The following GUCY2F variants were observed in gnomAD, a reference collection of about 807,000 sequenced individuals.
The protein encoded by GUCY2F is retinal guanylyl cyclase 2.
Under a neutral mutation model 73.1 loss-of-function variants are expected in GUCY2F, and 61 were observed. That is an observed-to-expected ratio of 0.83 (90% confidence interval 0.68 to 1.03). The LOEUF (loss-of-function observed/expected upper bound fraction) is 1.03, where lower values mean the gene tolerates loss of function less well. GUCY2F is among the 50% of genes least tolerant of loss of function. The probability of loss-of-function intolerance (pLI) is 0.00; values close to 1 mark genes in which losing one functional copy is unlikely to be tolerated. For missense variants in GUCY2F, 912 were observed against 854.3 expected, an observed-to-expected ratio of 1.07 and a Z score of -0.84; for synonymous variants, 331 against 307.8, an observed-to-expected ratio of 1.08 and a Z score of -0.79.
intron 8 of GUCY2F, among the ~76,000 whole-genome samples, chrX:109,410,035 C>T (rs1401406956): frequency 9.0e-6 from 1 of 111,435 alleles, no homozygotes; most frequent in African/African-American, 3.3e-5. Flanking sequence ...CACAGGTCTC[C>T]AGATAAGAGC....
At chrX:109,432,314 T>G (rs1931635169) in intron 7 of GUCY2F, among the ~76,000 whole-genome samples, 1 of 112,057 alleles carries the variant, frequency 8.9e-6, no homozygotes. Context: ...CTGCTCTCAG[T>G]CAGGGATCGA....
At chrX:109,456,457 C>G (rs12010600) in intron 3 of GUCY2F, among the ~76,000 whole-genome samples, 32,146 of 110,636 alleles carry the variant, frequency 0.29, 3,931 homozygotes, top group Non-Finnish European at 0.38. Context: ...CATCTACCTA[C>G]AGCCAAAAGT....
At chrX:109,389,069 C>A (rs1316193027) in intron 14 of GUCY2F, among the ~76,000 whole-genome samples, 3 of 111,924 alleles carry the variant, frequency 2.7e-5, no homozygotes, top group African/African-American at 6.5e-5. Context: ...GGTAAATAAG[C>A]TAGGGTAGCC....
At chrX:109,431,311 C>A (rs1429187667) in intron 7 of GUCY2F, among the ~76,000 whole-genome samples, 4 of 112,049 alleles carry the variant, frequency 3.6e-5, no homozygotes, top group African/African-American at 1.3e-4. Context: ...CATCCATTAC[C>A]TACAGCCTGG....
chrX:109,441,898 A>G (rs1317509999), intron 6 of GUCY2F, among the ~76,000 whole-genome samples: 1 of 111,940 alleles, frequency 8.9e-6, no homozygotes, highest in Non-Finnish European at 1.9e-5. Context: ...ACATTTAAAA[A>G]AAATCTATAG....
Position 109,375,976 on chromosome X carries a change from G to T in GUCY2F, c.3250C>A (p.His1084Asn). ...PPVDKDGQVG[H>N]GLQPVEIAAF... ...GCAATCTCCACTGGTTGCAGGCCAT[G>T]GCCCACTTGCCTGCAGGGCAGGGGA... The change falls in exon 19 of 20, where the codon CAT (histidine) becomes AAT (asparagine). Residue 1084 changes from histidine (H) to asparagine (N), a missense_variant. By Grantham distance (68) the His-to-Asn change is moderately conservative. Transcript: ENST00000218006. The T allele has an allele frequency of 8.3e-7, 1 of 1,204,522 alleles. No homozygotes were observed. Among genetic ancestry groups the T allele is most frequent in the South Asian group, 1.8e-5 (1 of 56,839 alleles).
chrX:109,479,998 C>T (rs57075639), intron 1 of GUCY2F, among the ~76,000 whole-genome samples: 1,240 of 111,833 alleles, frequency 0.011, 25 homozygotes, highest in African/African-American at 0.037. Context: ...TTTTGCTTAA[C>T]ATTAAATCTC....
intron 17 of GUCY2F, 124 bp downstream of exon 17, chrX:109,381,994 A>G: frequency 2.4e-6 from 1 of 418,606 alleles, no homozygotes; most frequent in South Asian, 5.4e-5. Flanking sequence ...ATGGGGCTGA[A>G]GATTCTGCCC....
At chrX:109,453,151 AG>A (rs1932172752) in intron 4 of GUCY2F, among the ~76,000 whole-genome samples, 1 of 111,622 alleles carries the variant, frequency 9.0e-6, no homozygotes, top group Non-Finnish European at 1.9e-5. Flanking sequence ...AGGGATGGAT[AG>A]GGGACCTTGA....
intron 14 of GUCY2F, among the ~76,000 whole-genome samples, chrX:109,390,049 A>G (rs1930524715): frequency 8.9e-6 from 1 of 112,019 alleles, no homozygotes; most frequent in African/African-American, 3.2e-5. Flanking sequence ...TAAATGCTAC[A>G]TGCAAGGGGA....
chrX:109,410,029 G>T (rs1931071738), intron 8 of GUCY2F, among the ~76,000 whole-genome samples: 1 of 111,339 alleles, frequency 9.0e-6, no homozygotes, highest in Admixed American at 9.5e-5. Context: ...CCCTGCCACA[G>T]GTCTCCAGAT....
chrX:109,448,074 T>C lies in GUCY2F; in HGVS notation c.1564A>G (p.Ser522Gly), dbSNP rs1462883081. ...DVTFINPHFG[S>G]KRGSRASVSF... ...AAGAAGAGGATACTCCTTACCTTAC[T>C]GCCAAAGTGGGGATTGATAAACGTT... is the stretch of plus-strand genomic sequence containing the variant. Residue 522 changes from serine (S) to glycine (G), a missense_variant, in exon 6 of 20, where the codon AGT becomes GGT. Ser to Gly is a moderately conservative substitution (Grantham distance 56). Coordinates refer to ENST00000218006, the MANE Select transcript of GUCY2F (RefSeq NM_001522.3). The C allele has an allele frequency of 1.1e-5, 11 of 1,004,681 alleles. No individual in the cohort carries two copies. The highest frequency in any genetic ancestry group is 1.4e-5 in the Non-Finnish European group (10 of 708,743). The allele number at this position is 1,004,681 out of a possible 1,213,427, so 82.8% of individuals were successfully genotyped here. A position where few individuals can be genotyped will look rare whatever the true frequency, so the allele number is the denominator to read the frequency against.
At chrX:109,404,302 T>A in intron 10 of GUCY2F, 26 bp downstream of exon 10, 1 of 1,106,749 alleles carries the variant, frequency 9.0e-7, no homozygotes, top group South Asian at 2.0e-5. Flanking sequence ...CTCGTGTGCA[T>A]CAGAAGGGTA....
At chrX:109,390,547 C>A (rs1425438612) in intron 14 of GUCY2F, among the ~76,000 whole-genome samples, 2 of 112,114 alleles carry the variant, frequency 1.8e-5, no homozygotes, top group East Asian at 2.8e-4. Context: ...GAGAACAGCC[C>A]ATTAACTCCC....
intron 14 of GUCY2F, among the ~76,000 whole-genome samples, chrX:109,391,541 T>C (rs1336140534): frequency 8.9e-6 from 1 of 111,798 alleles, no homozygotes; most frequent in Non-Finnish European, 1.9e-5. Context: ...AAAACACCAA[T>C]ACTTCCTCTT....
intron 14 of GUCY2F, among the ~76,000 whole-genome samples, chrX:109,389,430 T>C (rs1214991044): frequency 1.8e-5 from 2 of 112,320 alleles, no homozygotes; most frequent in East Asian, 2.8e-4. Flanking sequence ...AGTCAGACTG[T>C]GTTACTACAA....
intron 8 of GUCY2F, among the ~76,000 whole-genome samples, chrX:109,411,689 G>C (rs1931114836): frequency 1.8e-5 from 2 of 111,528 alleles, no homozygotes; most frequent in African/African-American, 6.5e-5. Context: ...AACATCAAGG[G>C]GGAACTATTT....
chrX:109,445,483 A>G (rs1430799477), intron 6 of GUCY2F, among the ~76,000 whole-genome samples: 2 of 112,243 alleles, frequency 1.8e-5, no homozygotes, highest in Non-Finnish European at 3.8e-5. Context: ...AAAGTGTAAC[A>G]TGAGCCATAT....
intron 8 of GUCY2F, among the ~76,000 whole-genome samples, chrX:109,413,248 GAAAGTTTGCAACATCAGCTTTAGC>G (rs1271215556): frequency 1.8e-5 from 2 of 112,029 alleles, no homozygotes; most frequent in Non-Finnish European, 3.8e-5. Flanking sequence ...AGGATGCAGA[GAAAGTTTGCAACATCAGCTTTAGC>G]AAGATGAGCA....
Sources: gnomAD v4.1 joint callset for allele counts (sites outside exome capture counted in the v4.1 genomes callset) on GRCh38, gnomAD v4.1.1 for gene constraint, MANE v1.5 for transcripts, NCBI Gene and HGNC (gene_info 2026-07-23, HGNC 2026-07-21) for gene names.